LRRC4C: variants seen among roughly 807,000 people sequenced by gnomAD.
LRRC4C encodes the protein leucine rich repeat containing 4C, also known as leucine-rich repeat-containing protein 4C.
Under a neutral mutation model 33.6 loss-of-function variants are expected in LRRC4C, and 5 were observed. The observed-to-expected ratio is 0.15, with a 90% CI of 0.08 to 0.31. LRRC4C has a LOEUF of 0.31. Among genes scored for constraint, LRRC4C ranks in the 10% least tolerant of loss-of-function variants. The probability of loss-of-function intolerance (pLI) is 1.00; values close to 1 mark genes in which losing one functional copy is unlikely to be tolerated. For missense variants in LRRC4C, 560 were observed against 796.7 expected (o/e 0.70, Z 3.58); for synonymous variants, 329 against 302.0 (o/e 1.09, Z -0.93).
chr11:40,679,059 G>A (rs1944549843), intron 2 of LRRC4C, among the ~76,000 whole-genome samples: 1 of 152,148 alleles, frequency 6.6e-6, no homozygotes, highest in African/African-American at 2.4e-5. Context: ...AGGCTGAGGT[G>A]GTCTCAGATG....
At chr11:40,457,120 A>T (rs1952171382) in intron 3 of LRRC4C, among the ~76,000 whole-genome samples, 1 of 151,566 alleles carries the variant, frequency 6.6e-6, no homozygotes, top group Non-Finnish European at 1.5e-5. Context: ...AAAAAAGAAA[A>T]AAAAAACAGT....
chr11:40,659,795 C>G (rs1282867007), intron 2 of LRRC4C, among the ~76,000 whole-genome samples: 1 of 152,186 alleles, frequency 6.6e-6, no homozygotes, highest in Non-Finnish European at 1.5e-5. Flanking sequence ...CACTTCAGGT[C>G]TTCTGAGAGC....
intron 1 of LRRC4C, among the ~76,000 whole-genome samples, chr11:41,434,123 G>A (rs1955340689): frequency 6.6e-6 from 1 of 152,008 alleles, no homozygotes; most frequent in Admixed American, 6.6e-5. Context: ...TTCAGCAGTG[G>A]CAACCATCAC....
chr11:40,322,201 C>G (rs940979124), intron 3 of LRRC4C, among the ~76,000 whole-genome samples: 4 of 152,072 alleles, frequency 2.6e-5, no homozygotes, highest in Admixed American at 6.6e-5. Context: ...AATGGTAGCA[C>G]TGAATCCTCA....
At chr11:40,523,408 T>C (rs1444513075) in intron 3 of LRRC4C, among the ~76,000 whole-genome samples, 4 of 151,674 alleles carry the variant, frequency 2.6e-5, no homozygotes, top group Admixed American at 2.6e-4. Flanking sequence ...GTTTTAATTC[T>C]TAAATATTGA....
chr11:40,523,394 T>C (rs1241813152), intron 3 of LRRC4C, among the ~76,000 whole-genome samples: 1 of 151,732 alleles, frequency 6.6e-6, no homozygotes, highest in Non-Finnish European at 1.5e-5. Flanking sequence ...TTTTTGTTTT[T>C]GTTGTTTTAA....
At chr11:40,193,975 G>A (rs12222318) in intron 5 of LRRC4C, among the ~76,000 whole-genome samples, 61,602 of 151,864 alleles carry the variant, frequency 0.41, 12,624 homozygotes, top group East Asian at 0.59. Flanking sequence ...CCAAACCTAT[G>A]TTTGATTGGT....
intron 2 of LRRC4C, among the ~76,000 whole-genome samples, chr11:40,915,936 A>G (rs1956938940): frequency 1.3e-5 from 2 of 152,240 alleles, no homozygotes; most frequent in Non-Finnish European, 2.9e-5. Flanking sequence ...GCCAACAGAC[A>G]CATGAAAAAA....
chr11:40,711,093 A>C (rs971609915), intron 2 of LRRC4C, among the ~76,000 whole-genome samples: 1 of 152,186 alleles, frequency 6.6e-6, no homozygotes, highest in African/African-American at 2.4e-5. Flanking sequence ...CCTGGTACAG[A>C]CTGTCACAGC....
At chr11:40,856,865 T>C (rs1279861060) in intron 2 of LRRC4C, among the ~76,000 whole-genome samples, 2 of 152,180 alleles carry the variant, frequency 1.3e-5, no homozygotes, top group Non-Finnish European at 2.9e-5. Flanking sequence ...TCTGTTTTTT[T>C]CCCAGAGAGA....
chr11:40,568,764 C>A (rs1388264641), intron 3 of LRRC4C, among the ~76,000 whole-genome samples: 3 of 151,992 alleles, frequency 2.0e-5, no homozygotes, highest in Non-Finnish European at 4.4e-5. Context: ...GATATAGTAA[C>A]CTAGAGGGTC....
At chr11:40,575,053 C>T (rs1314718569) in intron 3 of LRRC4C, among the ~76,000 whole-genome samples, 1 of 152,124 alleles carries the variant, frequency 6.6e-6, no homozygotes, top group Non-Finnish European at 1.5e-5. Context: ...GCAGGTTCAC[C>T]CAAAAGATGA....
chr11:40,822,462 C>G (rs1292470203), intron 2 of LRRC4C, among the ~76,000 whole-genome samples: 1 of 151,570 alleles, frequency 6.6e-6, no homozygotes, highest in African/African-American at 2.4e-5. Context: ...GTGAATGATG[C>G]TGCAATAAAC....
chr11:41,438,271 T>G (rs2138500196), intron 1 of LRRC4C, among the ~76,000 whole-genome samples: 1 of 152,184 alleles, frequency 6.6e-6, no homozygotes, highest in East Asian at 1.9e-4. Flanking sequence ...ATAGTAAATC[T>G]ATTATTGTTC....
At chr11:40,702,991 T>A (rs1328094547) in intron 2 of LRRC4C, among the ~76,000 whole-genome samples, 1 of 152,090 alleles carries the variant, frequency 6.6e-6, no homozygotes, top group Non-Finnish European at 1.5e-5. Context: ...ATAGCCATAG[T>A]TTCAGAGAAC....
intron 1 of LRRC4C, among the ~76,000 whole-genome samples, chr11:41,416,958 C>T (rs998737629): frequency 1.3e-5 from 2 of 151,900 alleles, no homozygotes; most frequent in South Asian, 4.1e-4. Context: ...CACACATTTC[C>T]CCAATGAAAA....
intron 2 of LRRC4C, among the ~76,000 whole-genome samples, chr11:40,820,224 AG>A (rs2135458042): frequency 6.6e-6 from 1 of 152,216 alleles, no homozygotes; most frequent in Non-Finnish European, 1.5e-5. Context: ...AATGCTTGAA[AG>A]AAGTATTATA....
At chr11:40,861,538 C>T (rs541152918) in intron 2 of LRRC4C, among the ~76,000 whole-genome samples, 2 of 152,064 alleles carry the variant, frequency 1.3e-5, no homozygotes, top group South Asian at 2.1e-4. Context: ...GAGAGGAACC[C>T]GAAGGAGTAA....
intron 3 of LRRC4C, among the ~76,000 whole-genome samples, chr11:40,434,248 A>T (rs1419335208): frequency 6.6e-6 from 1 of 152,210 alleles, no homozygotes; most frequent in Admixed American, 6.5e-5. Flanking sequence ...GAAATATTCC[A>T]GGCAGACACA....
Sources: allele counts gnomAD v4.1 joint callset (sites outside exome capture counted in the v4.1 genomes callset), GRCh38; gene constraint gnomAD v4.1.1; transcripts MANE v1.5; gene names NCBI Gene and HGNC (gene_info 2026-07-23, HGNC 2026-07-21).